The following BRSK2 variants were observed in gnomAD, a reference collection of about 807,000 sequenced individuals.
BRSK2 encodes serine/threonine-protein kinase BRSK2.
BRSK2 carries 19 observed loss-of-function variants against 83.3 expected under a neutral mutation model. The observed-to-expected ratio is 0.23, with a 90% CI of 0.16 to 0.33. BRSK2 has a LOEUF of 0.33. BRSK2 is among the 10% of genes least tolerant of loss of function. The pLI, the probability that BRSK2 is intolerant of heterozygous loss-of-function variation, is 1.00. For synonymous variants in BRSK2, 519 were observed against 435.4 expected, an observed-to-expected ratio of 1.19 and a Z score of -2.39; for missense variants, 798 against 1,042.3, an observed-to-expected ratio of 0.77 and a Z score of 3.23.
chr11:1,390,258 C>T lies in BRSK2; in HGVS notation c.-27C>T. On this transcript the variant is annotated 5_prime_UTR_variant, in exon 1 of 20. Coordinates refer to ENST00000528841, the MANE Select transcript of BRSK2 (RefSeq NM_001256627.2). The surrounding 1 kb of genome is among the most constrained non-coding windows in gnomAD (Gnocchi z 6.8). Reference sequence around the variant, plus strand: ...CCTCCCTGCCCGCGCGCCCGGGCGCCCCTGGCCGGCGCCGGGCCCCAGAGC... The same window carrying T: ...CCTCCCTGCCCGCGCGCCCGGGCGCTCCTGGCCGGCGCCGGGCCCCAGAGC... 1 of 1,001,430 alleles carries T rather than the reference C, an allele frequency of 1.0e-6. No individual in the cohort carries two copies. Among genetic ancestry groups the T allele is most frequent in the Non-Finnish European group, 1.2e-6 (1 of 834,792 alleles). The allele number at this position is 1,001,430 out of a possible 1,614,324, so 62.0% of individuals were successfully genotyped here. A position where few individuals can be genotyped will look rare whatever the true frequency, so the allele number is the denominator to read the frequency against.
intron 8 of BRSK2, among the ~76,000 whole-genome samples, chr11:1,443,893 CG>C (rs754773411): frequency 4.0e-5 from 6 of 151,880 alleles, no homozygotes; most frequent in Non-Finnish European, 8.8e-5. Flanking sequence ...AGTGCCCAGG[CG>C]TGTGTGGGCT....
rs982237225 is a variant in BRSK2, at chr11:1,445,228, C to G, written c.813-66C>G. On this transcript the variant is annotated intron_variant, in intron 9 of 19. Coordinates refer to ENST00000528841, the MANE Select transcript of BRSK2 (RefSeq NM_001256627.2). ...AAGGGCCCCAGGTGAGGGCGGGCGT[C>G]CCACCCTCGCAGCCGCCCAGGCCCG... 24 of 1,541,002 alleles carry G rather than the reference C, an allele frequency of 1.6e-5. No homozygotes were observed. The Admixed American group carries it at 3.7e-4, about 24-fold the overall frequency.
At position 1,439,489 on chromosome 11, in the gene BRSK2, C is replaced by T. The variant is rs538161747; in HGVS notation, c.272+1098C>T. Among the ~76,000 whole-genome samples the T allele has an allele frequency of 1.1e-4, 15 of 136,476 alleles. No individual in the cohort carries two copies. The South Asian group carries it at 1.3e-3, about 11-fold the overall frequency. The allele number at this position is 136,476 out of a possible 152,430, so 89.5% of individuals were successfully genotyped here. ...GGGGCATGGCTTCCTCATGGTGACA[C>T]GGTGCCGGTGCAGTGGGGTCCTGGG... On this transcript the variant is annotated intron_variant, in intron 3 of 19. Transcript: ENST00000528841.
In BRSK2 at chr11:1,402,437, C is replaced by T. The variant is rs536974272; in HGVS notation, c.91+12062C>T. 4.6e-5 allele frequency among the ~76,000 whole-genome samples: 7 copies of T among 152,334 alleles called. No individual in the cohort carries two copies. The East Asian group carries it at 1.4e-3, about 29-fold the overall frequency. On this transcript the variant is annotated intron_variant, in intron 1 of 19. Transcript: ENST00000528841. ...TGCCGCAAACTCAGCTCCAAGCTGC[C>T]TCCACCTGAACCTTGTCCGTGCCTG...
chr11:1,440,975 C>G, intron 4 of BRSK2, 47 bp downstream of exon 4: 1 of 1,563,236 alleles, frequency 6.4e-7, no homozygotes, highest in Non-Finnish European at 8.7e-7. Context: ...GACCCCCACA[C>G]CCAGTGCGCT....
chr11:1,439,797 C>T (rs567590548), intron 3 of BRSK2, among the ~76,000 whole-genome samples: 1 of 151,682 alleles, frequency 6.6e-6, no homozygotes, highest in East Asian at 1.9e-4. Context: ...CACACCTTCC[C>T]CTGCCCTGGG....
intron 1 of BRSK2, among the ~76,000 whole-genome samples, chr11:1,401,180 C>G (rs1217238651): frequency 1.3e-5 from 2 of 152,242 alleles, no homozygotes; most frequent in African/African-American, 4.8e-5. Context: ...CTCTAGGCTC[C>G]CGTCTTCACA....
rs932167854 is a variant in BRSK2, at chr11:1,410,595, G to T, written c.91+20220G>T. On this transcript the variant is annotated intron_variant, in intron 1 of 19. Transcript: ENST00000528841. ...CTCTCTGGTCCCCGGGAGTGGACTCGGGGGCTCCGAGTGCAGGGCTCACAC... is the reference window on the plus strand; with the variant it reads ...CTCTCTGGTCCCCGGGAGTGGACTCTGGGGCTCCGAGTGCAGGGCTCACAC... The T allele has an allele frequency of 8.1e-6, 8 of 985,228 alleles. No individual in the cohort carries two copies. The African/African-American group carries it at 1.4e-4, about 17-fold the overall frequency. 61.0% of individuals were successfully genotyped at this position (985,228 alleles called of 1,614,324 possible).
chr11:1,445,211 C>T (rs1851853208), intron 9 of BRSK2, 83 bp from the exon 10 acceptor site: 2 of 1,521,728 alleles, frequency 1.3e-6, no homozygotes, highest in Non-Finnish European at 1.8e-6. Flanking sequence ...TGAAGGGCCC[C>T]AGGTGAGGGC....
At chr11:1,406,027 C>T (rs538407579) in intron 1 of BRSK2, among the ~76,000 whole-genome samples, 3 of 152,288 alleles carry the variant, frequency 2.0e-5, no homozygotes, top group Non-Finnish European at 4.4e-5. Flanking sequence ...ACAGGAACCT[C>T]CCAACTCTGT....
chr11:1,460,785 C>A lies in BRSK2; in HGVS notation c.*62C>A. 6.9e-7 allele frequency: 1 copy of A among 1,457,234 alleles called. No individual in the cohort carries two copies. The highest frequency in any genetic ancestry group is 9.0e-7 in the Non-Finnish European group (1 of 1,113,986). The allele number at this position is 1,457,234 out of a possible 1,614,324, so 90.3% of individuals were successfully genotyped here. ...CGGCTGCCTCGCCGCCCGCCGCCCG[C>A]CCTGCCCCGAGTGGACCCGCGGCCG... On this transcript the variant is annotated 3_prime_UTR_variant, in exon 20 of 20. Transcript: ENST00000528841.
intron 18 of BRSK2, among the ~76,000 whole-genome samples, chr11:1,457,531 G>A (rs909808100): frequency 7.2e-5 from 11 of 152,278 alleles, no homozygotes; most frequent in Middle Eastern, 3.4e-3. Context: ...GGGGCAGGGC[G>A]GAGCACTGGG....
At chr11:1,459,320 C>T (rs529728335) in intron 19 of BRSK2, 81 bp downstream of exon 19, 67 of 1,532,182 alleles carry the variant, frequency 4.4e-5, no homozygotes, top group East Asian at 1.6e-4. Context: ...CGCCACCTGC[C>T]GCCCGGGTTG....
At chr11:1,429,149 TGGGTGTGTGTGCAC>T (rs1196261960) in intron 1 of BRSK2, among the ~76,000 whole-genome samples, 2 of 141,792 alleles carry the variant, frequency 1.4e-5, no homozygotes, top group African/African-American at 2.6e-5. Context: ...CACGTGTGCA[TGGGTGTGTGTGCAC>T]GGGTGTGTGT....
Position 1,445,222 on chromosome 11 carries a change from G to A in BRSK2, c.813-72G>A, listed in dbSNP as rs145894616. 4.1e-3 allele frequency: 6,232 copies of A among 1,534,408 alleles called. 33 individuals carry two copies. The highest frequency in any genetic ancestry group is 3.9e-3 in the Non-Finnish European group (4,418 of 1,138,252). ...AGGATGAAGGGCCCCAGGTGAGGGC[G>A]GGCGTCCCACCCTCGCAGCCGCCCA... On this transcript the variant is annotated intron_variant, in intron 9 of 19. Coordinates refer to ENST00000528841, the MANE Select transcript of BRSK2 (RefSeq NM_001256627.2).
Position 1,423,607 on chromosome 11 carries a change from G to A in BRSK2, c.92-12433G>A, listed in dbSNP as rs554036294. Among the ~76,000 whole-genome samples, 4 of 152,132 alleles carry A rather than the reference G, an allele frequency of 2.6e-5. No individual in the cohort carries two copies. The highest frequency in any genetic ancestry group is 6.5e-5 in the Admixed American group (1 of 15,286). ...ACGTGCTCTTTCACATTCTGGAGGC[G>A]GGAAGTCCAAGGTCCAGGGTGGGCT... On this transcript the variant is annotated intron_variant, in intron 1 of 19. Coordinates refer to ENST00000528841, the MANE Select transcript of BRSK2 (RefSeq NM_001256627.2). This position sits in a 1 kb window ranked among gnomAD's most constrained non-coding sequence, Gnocchi z 6.5.
chr11:1,449,708 C>A, intron 12 of BRSK2, 68 bp from the exon 13 acceptor site: 1 of 1,412,922 alleles, frequency 7.1e-7, no homozygotes, highest in Non-Finnish European at 9.9e-7. Flanking sequence ...CTGGGGGGAG[C>A]AGAGCCCAGC....
At chr11:1,410,469 C>T (rs1847346902) in intron 1 of BRSK2, 4 of 985,550 alleles carry the variant, frequency 4.1e-6, no homozygotes, top group South Asian at 9.4e-5. Flanking sequence ...AAGCACCCAG[C>T]GTAGTCATGC....
In BRSK2 at chr11:1,459,218, A is replaced by C; in HGVS notation, c.1966A>C (p.Thr656Pro). ...SDTTNCMEMMTGRLSKCGSPL... is the reference protein window; with the variant it reads ...SDTTNCMEMMPGRLSKCGSPL... ...CACCACTAACTGTATGGAAATGATG[A>C]CGGGGCGGCTTTCCAAATGTGGTAA... The change falls in exon 19 of 20, where the codon ACG (threonine) becomes CCG (proline). Residue 656 changes from threonine to proline, a missense_variant. Coordinates refer to ENST00000528841, the MANE Select transcript of BRSK2 (RefSeq NM_001256627.2). 1 of 1,613,792 alleles carries C rather than the reference A, an allele frequency of 6.2e-7. No individual in the cohort carries two copies. Among genetic ancestry groups the C allele is most frequent in the Non-Finnish European group, 8.5e-7 (1 of 1,179,842 alleles).
Sources: gnomAD v4.1 joint callset for allele counts (sites outside exome capture counted in the v4.1 genomes callset) on GRCh38, gnomAD v4.1.1 for gene constraint, Gnocchi (gnomAD v3.1) non-coding constraint, MANE v1.5 for transcripts, NCBI Gene and HGNC (gene_info 2026-07-23, HGNC 2026-07-21) for gene names.